Variants in RAB3C observed in about 807,000 individuals in gnomAD.
RAB3C encodes the protein RAB3C, member RAS oncogene family, also known as ras-related protein Rab-3C.
RAB3C carries 17 observed loss-of-function variants against 26.4 expected under a neutral mutation model. The ratio of observed to expected loss-of-function variants is 0.64; its 90% CI spans 0.44 to 0.97. The LOEUF is 0.97. RAB3C is among the 50% of genes least tolerant of loss of function. The pLI is 0.00. For synonymous variants in RAB3C, 91 were observed against 95.9 expected (o/e 0.95, Z 0.30); for missense variants, 242 against 281.9 (o/e 0.86, Z 1.01).
intron 3 of RAB3C, among the ~76,000 whole-genome samples, chr5:58,750,372 T>C (rs540378321): frequency 6.6e-6 from 1 of 152,362 alleles, no homozygotes; most frequent in East Asian, 1.9e-4. Context: ...ATCTCATTTT[T>C]CTTCTTAATT....
chr5:58,754,052 G>T (rs796749645), intron 3 of RAB3C, among the ~76,000 whole-genome samples: 1 of 152,250 alleles, frequency 6.6e-6, no homozygotes, highest in African/African-American at 2.4e-5. Flanking sequence ...GCAATAGGTG[G>T]AAGTGGGAGA....
chr5:58,655,064 G>A (rs1287355819), intron 2 of RAB3C, among the ~76,000 whole-genome samples: 1 of 152,096 alleles, frequency 6.6e-6, no homozygotes, highest in Non-Finnish European at 1.5e-5. Context: ...GGATACAAGG[G>A]ACAAAGACAG....
chr5:58,686,979 A>C (rs1182905806), intron 2 of RAB3C, among the ~76,000 whole-genome samples: 5 of 152,068 alleles, frequency 3.3e-5, no homozygotes, highest in Admixed American at 6.6e-5. Flanking sequence ...AAAAAGAAAA[A>C]CTTTCCATTT....
At position 58,853,767 on chromosome 5, in the gene RAB3C, T is replaced by C. The variant is rs184750596; in HGVS notation, c.*2416T>C. On this transcript the variant is annotated 3_prime_UTR_variant, in exon 5 of 5. Transcript: ENST00000282878. ...CCCAATGGAAGTGAGGCCTTTTTCATTGATTCTCAGTTCTGAAACTCCCAC... is the reference window on the plus strand; with the variant it reads ...CCCAATGGAAGTGAGGCCTTTTTCACTGATTCTCAGTTCTGAAACTCCCAC... 3 of 152,310 alleles carry C rather than the reference T, an allele frequency of 2.0e-5. No homozygotes were observed. The highest frequency in any genetic ancestry group is 1.9e-4 in the East Asian group (1 of 5,182). 9.4% of individuals were successfully genotyped at this position (152,310 alleles called of 1,614,324 possible).
intron 3 of RAB3C, among the ~76,000 whole-genome samples, chr5:58,768,426 A>C (rs1375324269): frequency 8.9e-6 from 1 of 112,244 alleles, no homozygotes; most frequent in Non-Finnish European, 2.2e-5. Flanking sequence ...AATACGTACC[A>C]GCCACAAACA....
chr5:58,777,102 T>C (rs1369153121), intron 3 of RAB3C, among the ~76,000 whole-genome samples: 1 of 152,138 alleles, frequency 6.6e-6, no homozygotes, highest in African/African-American at 2.4e-5. Context: ...TGGGTCTTAG[T>C]AGTTCTACCT....
chr5:58,684,392 G>A (rs1184060317), intron 2 of RAB3C, among the ~76,000 whole-genome samples: 3 of 152,190 alleles, frequency 2.0e-5, no homozygotes, highest in Non-Finnish European at 4.4e-5. Context: ...GACAGAAGCA[G>A]TCTTTATCAC....
chr5:58,621,686 C>T (rs767810532), intron 2 of RAB3C, among the ~76,000 whole-genome samples: 27 of 152,162 alleles, frequency 1.8e-4, no homozygotes, highest in Non-Finnish European at 3.5e-4. Flanking sequence ...AGCAATTCTC[C>T]AGCCTCAGCC....
At chr5:58,610,997 A>C (rs543659279) in intron 1 of RAB3C, among the ~76,000 whole-genome samples, 7 of 152,154 alleles carry the variant, frequency 4.6e-5, no homozygotes, top group Non-Finnish European at 7.3e-5. Context: ...GTAAGTGAGA[A>C]CATGAAGTAT....
At chr5:58,645,224 C>T (rs1032289095) in intron 2 of RAB3C, among the ~76,000 whole-genome samples, 11 of 152,162 alleles carry the variant, frequency 7.2e-5, no homozygotes, top group Non-Finnish European at 1.6e-4. Flanking sequence ...GGCTTCAGTG[C>T]GTCAGCAAGT....
chr5:58,699,952 C>T (rs1326178742), intron 2 of RAB3C, among the ~76,000 whole-genome samples: 1 of 152,214 alleles, frequency 6.6e-6, no homozygotes, highest in East Asian at 1.9e-4. Context: ...TGCTTTGGCT[C>T]ACCCTCTGTG....
chr5:58,733,607 C>T (rs1156741759), intron 3 of RAB3C, among the ~76,000 whole-genome samples: 1 of 152,088 alleles, frequency 6.6e-6, no homozygotes. Flanking sequence ...TCTGGATCCC[C>T]CAGCAGGGTT....
intron 2 of RAB3C, among the ~76,000 whole-genome samples, chr5:58,706,719 T>C (rs996849954): frequency 1.3e-5 from 2 of 152,232 alleles, no homozygotes; most frequent in African/African-American, 4.8e-5. Flanking sequence ...CACAACTCTC[T>C]TCTACAACAT....
At chr5:58,764,465 C>G (rs979786083) in intron 3 of RAB3C, among the ~76,000 whole-genome samples, 1 of 146,264 alleles carries the variant, frequency 6.8e-6, no homozygotes, top group African/African-American at 2.5e-5. Context: ...GACTTTCTTT[C>G]TTCAGAATGA....
intron 1 of RAB3C, among the ~76,000 whole-genome samples, chr5:58,583,632 C>T (rs1191904421): frequency 6.6e-6 from 1 of 152,122 alleles, no homozygotes; most frequent in Non-Finnish European, 1.5e-5. Flanking sequence ...TGAAGGCTCC[C>T]CACTGGAGTC....
chr5:58,805,795 A>G (rs1482673255), intron 3 of RAB3C, among the ~76,000 whole-genome samples: 1 of 152,076 alleles, frequency 6.6e-6, no homozygotes, highest in African/African-American at 2.4e-5. Flanking sequence ...GTGAGGAGGT[A>G]TAAGTGGTGT....
intron 3 of RAB3C, among the ~76,000 whole-genome samples, chr5:58,750,004 C>G (rs1261356132): frequency 6.6e-6 from 1 of 151,940 alleles, no homozygotes; most frequent in Non-Finnish European, 1.5e-5. Flanking sequence ...TATGTGTTAG[C>G]CATTTCTTTT....
intron 4 of RAB3C, among the ~76,000 whole-genome samples, chr5:58,836,464 A>T (rs1194979506): frequency 2.6e-5 from 4 of 152,174 alleles, no homozygotes; most frequent in African/African-American, 9.7e-5. Flanking sequence ...AGTGGTACAG[A>T]ACACTAGAAC....
chr5:58,836,322 A>G (rs1327037976), intron 4 of RAB3C, among the ~76,000 whole-genome samples: 1 of 152,144 alleles, frequency 6.6e-6, no homozygotes, highest in African/African-American at 2.4e-5. Context: ...AATTTTTGAT[A>G]CATATAATGT....
Sources: allele counts gnomAD v4.1 joint callset (sites outside exome capture counted in the v4.1 genomes callset), GRCh38; gene constraint gnomAD v4.1.1; transcripts MANE v1.5; gene names NCBI Gene and HGNC (gene_info 2026-07-23, HGNC 2026-07-21).